CLTCL1: variants seen among roughly 807,000 people sequenced by gnomAD.
The protein encoded by CLTCL1 is clathrin heavy chain like 1.
A neutral mutation model predicts 190.0 loss-of-function variants in CLTCL1; 159 were observed. That is an observed-to-expected ratio of 0.84 (90% CI 0.74 to 0.95). CLTCL1 has a LOEUF of 0.95. CLTCL1 is among the 40% of genes least tolerant of loss of function. The probability of loss-of-function intolerance (pLI) is 0.00; values close to 1 mark genes in which losing one functional copy is unlikely to be tolerated. For missense variants in CLTCL1, 1,878 were observed against 2,033.4 expected, an observed-to-expected ratio of 0.92 and a Z score of 1.47; for synonymous variants, 752 against 769.6, an observed-to-expected ratio of 0.98 and a Z score of 0.38.
chr22:19,251,520 C>A (rs187883316), intron 3 of CLTCL1, among the ~76,000 whole-genome samples: 1 of 152,182 alleles, frequency 6.6e-6, no homozygotes, highest in East Asian at 1.9e-4. Flanking sequence ...TGTGGTGGTG[C>A]TATCTCGGTC....
chr22:19,203,926 T>C (rs1186453260), intron 22 of CLTCL1, among the ~76,000 whole-genome samples: 2 of 152,114 alleles, frequency 1.3e-5, no homozygotes, highest in Admixed American at 1.3e-4. Flanking sequence ...ACTGCTTCTC[T>C]CCTCACACCC....
At chr22:19,271,717 G>A (rs1555980804) in intron 2 of CLTCL1, among the ~76,000 whole-genome samples, 1 of 152,088 alleles carries the variant, frequency 6.6e-6, no homozygotes, top group African/African-American at 2.4e-5. Context: ...TATCACACCT[G>A]GGCCAGTAAT....
At chr22:19,235,555 AAGG>A (rs3833373) in intron 6 of CLTCL1, 138 bp downstream of exon 6, 2 of 746,958 alleles carry the variant, frequency 2.7e-6, no homozygotes, top group East Asian at 2.5e-5. Flanking sequence ...TGTCAATATG[AAGG>A]AGGAGACATG....
chr22:19,254,516 T>C (rs1201751994), intron 2 of CLTCL1, among the ~76,000 whole-genome samples: 2 of 152,226 alleles, frequency 1.3e-5, no homozygotes, highest in East Asian at 1.9e-4. Context: ...GAAGCAAGCC[T>C]CTCTTTTAGA....
At chr22:19,199,169 T>C (rs1032207937) in intron 24 of CLTCL1, among the ~76,000 whole-genome samples, 2 of 152,138 alleles carry the variant, frequency 1.3e-5, no homozygotes, top group African/African-American at 2.4e-5. Flanking sequence ...GGAGTTGTCA[T>C]GTGGCTCTAG....
intron 19 of CLTCL1, among the ~76,000 whole-genome samples, chr22:19,212,598 A>AG (rs2085264557): frequency 6.6e-6 from 1 of 150,674 alleles, no homozygotes; most frequent in African/African-American, 2.5e-5. Context: ...AAAGAAAGAA[A>AG]GAAAGGAAGG....
At chr22:19,282,694 G>C (rs782729772) in intron 1 of CLTCL1, among the ~76,000 whole-genome samples, 24 of 151,786 alleles carry the variant, frequency 1.6e-4, no homozygotes, top group Non-Finnish European at 2.8e-4. Flanking sequence ...ATAGTACAAT[G>C]AGTGGGGAAC....
chr22:19,252,210 A>C (rs1175773540), intron 3 of CLTCL1, among the ~76,000 whole-genome samples: 3 of 152,174 alleles, frequency 2.0e-5, no homozygotes, highest in African/African-American at 7.2e-5. Flanking sequence ...CTTCAACATC[A>C]ATGATAGCAT....
intron 3 of CLTCL1, among the ~76,000 whole-genome samples, chr22:19,251,691 C>T (rs1234212669): frequency 2.0e-5 from 3 of 152,038 alleles, no homozygotes; most frequent in Non-Finnish European, 2.9e-5. Flanking sequence ...CTCCTGACCT[C>T]GTGATCCGCC....
At chr22:19,189,497 T>G (rs1364987289) in intron 27 of CLTCL1, among the ~76,000 whole-genome samples, 2 of 151,822 alleles carry the variant, frequency 1.3e-5, no homozygotes, top group African/African-American at 4.9e-5. Flanking sequence ...AGCAGTAGAT[T>G]CTATCTTAAG....
At position 19,208,936 on chromosome 22, in the gene CLTCL1, G is replaced by A. The variant is rs1406979780; in HGVS notation, c.3428C>T (p.Ser1143Leu). 7.5e-6 allele frequency: 12 copies of A among 1,607,968 alleles called. No individual in the cohort carries two copies. Among genetic ancestry groups the A allele is most frequent in the Admixed American group, 1.7e-5 (1 of 59,310 alleles). The change falls in exon 21 of 33, where the codon TCA becomes TTA. Residue 1143 changes from serine (S) to leucine (L), a missense_variant. Ser to Leu is a moderately radical substitution (Grantham distance 145). Transcript: ENST00000427926. The stretch of plus-strand genomic sequence containing the variant: ...GACTCACTTACTGCTCCTGCTGGCT[G>A]ACTGAACAACTTCCAGGTAAGAGGA... ...DPSSYLEVVQSASRSNNWEDL... is the reference protein window; with the variant it reads ...DPSSYLEVVQLASRSNNWEDL...
At chr22:19,239,715 C>G (rs2086190419) in intron 4 of CLTCL1, among the ~76,000 whole-genome samples, 1 of 152,218 alleles carries the variant, frequency 6.6e-6, no homozygotes, top group Admixed American at 6.5e-5. Flanking sequence ...TCCCTTCCAA[C>G]TCTGCTCTCT....
At chr22:19,211,245 G>A (rs974623525) in intron 19 of CLTCL1, among the ~76,000 whole-genome samples, 93 of 152,188 alleles carry the variant, frequency 6.1e-4, no homozygotes, top group African/African-American at 2.1e-3. Context: ...ACTAGAAATA[G>A]AAGGAAACTT....
At chr22:19,257,777 A>G in intron 2 of CLTCL1, 1 of 1,416,210 alleles carries the variant, frequency 7.1e-7, no homozygotes, top group Non-Finnish European at 9.4e-7. Context: ...AGACCATGCA[A>G]AGCCTGAACG....
In CLTCL1 at chr22:19,201,360, C is replaced by A. The variant is rs782735553; in HGVS notation, c.3734G>T (p.Arg1245Leu). The A allele has an allele frequency of 6.2e-7, 1 of 1,612,712 alleles. No homozygotes were observed. The highest frequency in any genetic ancestry group is 2.2e-5 in the East Asian group (1 of 44,876). ...CCACGTCCGGGTGCTGCTGGCCTTG[C>A]GGCTGTTGTCCACTGCTGCCTGATA... ...GEYQAAVDNS[R>L]KASSTRTWKE... Residue 1245 changes from arginine (R) to leucine (L), a missense_variant, in exon 23 of 33, where the codon CGC becomes CTC. Arg to Leu is a moderately radical substitution (Grantham distance 102, BLOSUM62 -2). Coordinates refer to ENST00000427926, the MANE Select transcript of CLTCL1 (RefSeq NM_007098.4).
At position 19,188,033 on chromosome 22, in the gene CLTCL1, T is replaced by C. The variant is rs781958256; in HGVS notation, c.4382A>G (p.Lys1461Arg). 1.9e-6 allele frequency: 3 copies of C among 1,613,876 alleles called. No homozygotes were observed. The highest frequency in any genetic ancestry group is 2.2e-5 in the South Asian group (2 of 91,084). ...YLRSVQSHNN[K>R]SVNEALNHLL... Reference sequence around the variant, plus strand: ...GTGGTTGAGTGCCTCATTCACACTCTTGTTGTTGTGGCTCTGGACTGACCG... The same window carrying C: ...GTGGTTGAGTGCCTCATTCACACTCCTGTTGTTGTGGCTCTGGACTGACCG... Residue 1461 changes from lysine to arginine, a missense_variant, in exon 28 of 33, where the codon AAG becomes AGG. Coordinates refer to ENST00000427926, the MANE Select transcript of CLTCL1 (RefSeq NM_007098.4).
rs782578580 is a variant in CLTCL1 at position 19,208,149 on chromosome 22, C to A, written c.3600+5G>T. 1 of 1,613,712 alleles carries A rather than the reference C, an allele frequency of 6.2e-7. No homozygotes were observed. Among genetic ancestry groups the A allele is most frequent in the South Asian group, 1.1e-5 (1 of 91,070 alleles). On this transcript the variant is annotated splice_donor_5th_base_variant and intron_variant, in intron 22 of 32. Transcript: ENST00000427926. ...AGTGCACAGCCCCCAGGGGGCATGG[C>A]CTACCTGCTGGATGTGGGCATTGTT...
intron 31 of CLTCL1, 64 bp from the exon 32 acceptor site, chr22:19,180,302 C>A (rs112494493): frequency 1.9e-6 from 3 of 1,553,384 alleles, no homozygotes; most frequent in Non-Finnish European, 2.7e-6. Flanking sequence ...GGAGACCCGC[C>A]GGCGTGCTGC....
At chr22:19,242,429 G>C (rs924273107) in intron 4 of CLTCL1, among the ~76,000 whole-genome samples, 4 of 152,076 alleles carry the variant, frequency 2.6e-5, no homozygotes, top group Non-Finnish European at 5.9e-5. Flanking sequence ...CCAAGTAGCT[G>C]GGTTTATAAG....
Sources: gnomAD v4.1 joint callset for allele counts (sites outside exome capture counted in the v4.1 genomes callset) on GRCh38, gnomAD v4.1.1 for gene constraint, MANE v1.5 for transcripts, NCBI Gene and HGNC (gene_info 2026-07-23, HGNC 2026-07-21) for gene names.